The following NR3C2 variants were observed in gnomAD, a reference collection of about 807,000 sequenced individuals.
NR3C2 encodes mineralocorticoid receptor.
NR3C2 carries 15 observed loss-of-function variants against 86.4 expected under a neutral mutation model. The ratio of observed to expected loss-of-function variants is 0.17; its 90% CI spans 0.12 to 0.27. The LOEUF (loss-of-function observed/expected upper bound fraction) is 0.27. NR3C2 is among the 10% of genes least tolerant of loss of function. The pLI is 1.00. For missense variants in NR3C2, 960 were observed against 1,195.6 expected (o/e 0.80, Z 2.91); for synonymous variants, 458 against 450.5 (o/e 1.02, Z -0.21).
At chr4:148,118,502 T>A (rs992310825) in intron 7 of NR3C2, among the ~76,000 whole-genome samples, 4 of 152,206 alleles carry the variant, frequency 2.6e-5, no homozygotes, top group African/African-American at 9.6e-5. Context: ...TCTCTCTGGA[T>A]GATGGTAACC....
chr4:148,350,199 T>A lies in NR3C2; in HGVS notation c.1757+84905A>T, dbSNP rs72656845. Among the ~76,000 whole-genome samples, 297 of 152,292 alleles carry A rather than the reference T, an allele frequency of 2.0e-3. 1 individual carries two copies. The highest frequency in any genetic ancestry group is 5.5e-3 in the African/African-American group (228 of 41,582). On this transcript the variant is annotated intron_variant, in intron 2 of 8. Coordinates refer to ENST00000358102, the MANE Select transcript of NR3C2 (RefSeq NM_000901.5). ...GAGAAAGATTAATTGCCCAAGCCAA[T>A]GTACCTAATTACAAAGTATAGAAGG...
At chr4:148,194,992 T>C in intron 3 of NR3C2, 130 bp from the exon 4 acceptor site, 2 of 722,736 alleles carry the variant, frequency 2.8e-6, no homozygotes, top group Admixed American at 2.3e-5. Flanking sequence ...TAAAAGTACA[T>C]GATTTGTGGA....
intron 2 of NR3C2, among the ~76,000 whole-genome samples, chr4:148,388,555 C>A (rs1747385726): frequency 6.6e-6 from 1 of 152,192 alleles, no homozygotes; most frequent in South Asian, 2.1e-4. Flanking sequence ...CACAACACAT[C>A]ATCACATCAA....
At chr4:148,285,069 G>A (rs1195059525) in intron 2 of NR3C2, among the ~76,000 whole-genome samples, 6 of 152,028 alleles carry the variant, frequency 3.9e-5, no homozygotes, top group South Asian at 2.1e-4. Context: ...GTTCACTTTC[G>A]GAGCCCACAG....
At chr4:148,272,780 A>G (rs2149886927) in intron 2 of NR3C2, among the ~76,000 whole-genome samples, 1 of 152,326 alleles carries the variant, frequency 6.6e-6, no homozygotes, top group South Asian at 2.1e-4. Context: ...AAAGATGAAA[A>G]AGGTTTTGAA....
chr4:148,358,455 A>C (rs1161363843), intron 2 of NR3C2, among the ~76,000 whole-genome samples: 1 of 116,446 alleles, frequency 8.6e-6, no homozygotes, highest in East Asian at 2.9e-4. Context: ...GGAATATCAC[A>C]CTCTGGGGGC....
intron 3 of NR3C2, among the ~76,000 whole-genome samples, chr4:148,209,643 A>G (rs551583855): frequency 1.3e-5 from 2 of 152,312 alleles, no homozygotes; most frequent in South Asian, 4.1e-4. Flanking sequence ...CTATCATTTC[A>G]GTCACTCGTA....
chr4:148,358,785 T>C (rs553473603), intron 2 of NR3C2, among the ~76,000 whole-genome samples: 4 of 152,350 alleles, frequency 2.6e-5, no homozygotes, highest in Admixed American at 2.0e-4. Flanking sequence ...GCTATGCTTA[T>C]AATTAATCCA....
chr4:148,346,232 T>G (rs1744985565), intron 2 of NR3C2, among the ~76,000 whole-genome samples: 1 of 152,016 alleles, frequency 6.6e-6, no homozygotes, highest in East Asian at 1.9e-4. Context: ...ATGCAGGAAT[T>G]GTGAGCAACA....
chr4:148,421,790 G>A (rs1749294898), intron 2 of NR3C2, among the ~76,000 whole-genome samples: 2 of 152,080 alleles, frequency 1.3e-5, no homozygotes, highest in African/African-American at 4.8e-5. Context: ...TGAAATCACA[G>A]AGGCTAGGCC....
intron 2 of NR3C2, among the ~76,000 whole-genome samples, chr4:148,314,235 A>G (rs1743048692): frequency 6.6e-6 from 1 of 152,188 alleles, no homozygotes; most frequent in Admixed American, 6.5e-5. Flanking sequence ...GAAAGCACCC[A>G]CCTTTCCTTA....
chr4:148,154,258 CAGTA>C (rs1463684669), intron 5 of NR3C2, among the ~76,000 whole-genome samples: 2 of 152,104 alleles, frequency 1.3e-5, no homozygotes, highest in Non-Finnish European at 2.9e-5. Context: ...CCATCTGCCT[CAGTA>C]AGCCACCTGC....
intron 8 of NR3C2, among the ~76,000 whole-genome samples, chr4:148,101,280 A>G (rs1256878916): frequency 6.6e-6 from 1 of 152,222 alleles, no homozygotes; most frequent in Non-Finnish European, 1.5e-5. Flanking sequence ...CTGTTGACCA[A>G]CTGTTGGTAA....
chr4:148,234,772 T>A lies in NR3C2; in HGVS notation c.1897+25206A>T, dbSNP rs539421808. 1.4e-3 allele frequency among the ~76,000 whole-genome samples: 211 copies of A among 152,138 alleles called. 2 individuals are homozygous for A. The highest frequency in any genetic ancestry group is 2.1e-3 in the South Asian group (10 of 4,812). ...TGGGTTACTAGGGAGAATGAATGGA[T>A]TGCGGAACAGAGATTAACTTGGGTT... is the stretch of plus-strand genomic sequence containing the variant. On this transcript the variant is annotated intron_variant, in intron 3 of 8. Transcript: ENST00000358102.
At chr4:148,082,665 G>GTTTT (rs11381991) in intron 8 of NR3C2, among the ~76,000 whole-genome samples, 60,359 of 130,396 alleles carry the variant, frequency 0.46, 15,819 homozygotes, top group East Asian at 0.77. Flanking sequence ...GCTAGCTGCA[G>GTTTT]TTTTTTTTTT....
intron 2 of NR3C2, among the ~76,000 whole-genome samples, chr4:148,398,071 C>G (rs1459848696): frequency 1.3e-5 from 2 of 152,168 alleles, no homozygotes; most frequent in Non-Finnish European, 2.9e-5. Flanking sequence ...CTGTGTTTCT[C>G]TATCTCAAAT....
rs1553990736 is a variant in NR3C2 at position 148,154,629 on chromosome 4, C to T, written c.2287G>A (p.Glu763Lys). The change falls in exon 5 of 9, where the codon GAA (glutamate) becomes AAA (lysine). Residue 763 changes from glutamate (E) to lysine (K), a missense_variant. Glu to Lys is a moderately conservative substitution (Grantham distance 56, BLOSUM62 1). This residue lies in a region of NR3C2 where 151 missense variants were observed against 296.3 expected (regional missense o/e 0.51). Coordinates refer to ENST00000358102, the MANE Select transcript of NR3C2 (RefSeq NM_000901.5). ...CGGTTGAGCGTGGAGAGCAGATTTTCGGCTGTATCTGGTTTTGAGCTGTCA... is the reference window on the plus strand; with the variant it reads ...CGGTTGAGCGTGGAGAGCAGATTTTTGGCTGTATCTGGTTTTGAGCTGTCA... ...GYDSSKPDTA[E>K]NLLSTLNRLA... 3.1e-6 allele frequency: 5 copies of T among 1,614,128 alleles called. No homozygotes were observed. Among genetic ancestry groups the T allele is most frequent in the Non-Finnish European group, 4.2e-6 (5 of 1,180,030 alleles).
At chr4:148,133,762 A>G (rs1733146805) in intron 6 of NR3C2, among the ~76,000 whole-genome samples, 1 of 152,238 alleles carries the variant, frequency 6.6e-6, no homozygotes, top group African/African-American at 2.4e-5. Context: ...TTGTGCCTCC[A>G]AGGCGACAGC....
chr4:148,098,194 T>G (rs2149714720), intron 8 of NR3C2, among the ~76,000 whole-genome samples: 1 of 152,356 alleles, frequency 6.6e-6, no homozygotes, highest in East Asian at 1.9e-4. Flanking sequence ...ACGGTTACAT[T>G]GCTGGTCGCA....
Sources: allele counts gnomAD v4.1 joint callset (sites outside exome capture counted in the v4.1 genomes callset), GRCh38; gene constraint gnomAD v4.1.1; regional missense constraint gnomAD v4.1.1; transcripts MANE v1.5; gene names NCBI Gene and HGNC (gene_info 2026-07-23, HGNC 2026-07-21).